The following RSF1 variants were observed in gnomAD, a reference collection of about 807,000 sequenced individuals.
RSF1 encodes HBV pX-associated protein 8.
Under a neutral mutation model 145.2 loss-of-function variants are expected in RSF1, and 13 were observed. The observed-to-expected ratio is 0.09, with a 90% CI of 0.06 to 0.14. The LOEUF is 0.14. Among genes scored for constraint, RSF1 ranks in the 10% least tolerant of loss-of-function variants. The pLI is 1.00. For missense variants in RSF1, 1,517 were observed against 1,718.2 expected (o/e 0.88, Z 2.07); for synonymous variants, 577 against 592.6 (o/e 0.97, Z 0.38).
intron 1 of RSF1, among the ~76,000 whole-genome samples, chr11:77,806,631 T>C (rs577390102): frequency 6.6e-6 from 1 of 151,966 alleles, no homozygotes; most frequent in Non-Finnish European, 1.5e-5. Context: ...CAGTGAGCTA[T>C]GACTGCACCA....
intron 4 of RSF1, among the ~76,000 whole-genome samples, chr11:77,730,109 T>C (rs1961166237): frequency 6.6e-6 from 1 of 152,070 alleles, no homozygotes; most frequent in East Asian, 1.9e-4. Context: ...ATTATTCCCA[T>C]TTTATGACTG....
At chr11:77,831,634 G>A in the RSF1 span, among the ~76,000 whole-genome samples, 1 of 151,388 alleles carries the variant, frequency 6.6e-6, no homozygotes, top group Non-Finnish European at 1.5e-5. Flanking sequence ...GCTTACTATG[G>A]GATGTAATTT....
At chr11:77,745,436 C>T (rs774196636) in intron 3 of RSF1, among the ~76,000 whole-genome samples, 2 of 151,916 alleles carry the variant, frequency 1.3e-5, no homozygotes, top group Non-Finnish European at 2.9e-5. Flanking sequence ...TTTGCTTTTG[C>T]TGCATTTTGT....
chr11:77,709,103 T>C (rs988484518), intron 5 of RSF1, among the ~76,000 whole-genome samples: 2 of 152,244 alleles, frequency 1.3e-5, no homozygotes, highest in African/African-American at 4.8e-5. Flanking sequence ...CTCAGGGTCC[T>C]GACTGTTGTT....
intron 5 of RSF1, among the ~76,000 whole-genome samples, chr11:77,708,793 CCT>C (rs770369845): frequency 7.2e-5 from 11 of 152,288 alleles, no homozygotes; most frequent in South Asian, 6.2e-4. Flanking sequence ...TTTTTCCTCC[CCT>C]GTTACAAATA....
chr11:77,765,145 A>C (rs866718616), intron 1 of RSF1, among the ~76,000 whole-genome samples: 14 of 152,230 alleles, frequency 9.2e-5, no homozygotes, highest in South Asian at 4.1e-4. Context: ...TAAAAAAAAA[A>C]ACCATCAAGT....
intron 5 of RSF1, among the ~76,000 whole-genome samples, chr11:77,710,135 A>G (rs1960644361): frequency 6.6e-6 from 1 of 152,182 alleles, no homozygotes; most frequent in Non-Finnish European, 1.5e-5. Flanking sequence ...ACCAAAAATA[A>G]CTATTAATCT....
chr11:77,681,593 T>A (rs1245899971), intron 11 of RSF1, among the ~76,000 whole-genome samples: 1 of 152,174 alleles, frequency 6.6e-6, no homozygotes, highest in African/African-American at 2.4e-5. Context: ...TTATGTGCAA[T>A]TTCATTTGTG....
chr11:77,705,856 A>G (rs972484699), intron 5 of RSF1, among the ~76,000 whole-genome samples: 5 of 152,128 alleles, frequency 3.3e-5, no homozygotes, highest in Middle Eastern at 3.2e-3. Context: ...CTGTCTCAAA[A>G]AAAAACCAAA....
At chr11:77,710,609 A>T (rs1325520354) in intron 5 of RSF1, among the ~76,000 whole-genome samples, 1 of 152,102 alleles carries the variant, frequency 6.6e-6, no homozygotes, top group East Asian at 1.9e-4. Flanking sequence ...CTGTGGCAAA[A>T]CTACTTCTCT....
At chr11:77,850,871 TCTC>T in the RSF1 span, 7 of 151,876 alleles carry the variant, frequency 4.6e-5, no homozygotes, top group African/African-American at 1.7e-4. Context: ...TCAGTATTTC[TCTC>T]CTAAGGACAT....
the RSF1 span, among the ~76,000 whole-genome samples, chr11:77,827,152 G>T: frequency 0.018 from 2,710 of 151,230 alleles, 80 homozygotes; most frequent in African/African-American, 0.062. Context: ...CCCTGGCCCC[G>T]CCCCCCTCAG....
Position 77,812,884 on chromosome 11 carries a change from C to CAA in RSF1, c.187+7642_187+7643dup, listed in dbSNP as rs71046910. ...TAGCCTGGGTGACAGAGCTCCATCT[C>CAA]AAAAAAAAAAAAAAAAAAAAATCAG... is the stretch of plus-strand genomic sequence containing the variant. On this transcript the variant is annotated intron_variant, in intron 1 of 15. Coordinates refer to ENST00000308488, the MANE Select transcript of RSF1 (RefSeq NM_016578.4). Among the ~76,000 whole-genome samples the CAA allele has an allele frequency of 1.4e-4, 15 of 110,554 alleles. No individual in the cohort carries two copies. In the East Asian group the frequency reaches 2.2e-3, roughly 17 times the overall value. 72.5% of individuals were successfully genotyped at this position (110,554 alleles called of 152,430 possible).
chr11:77,842,466 C>A, the RSF1 span: 3 of 1,606,642 alleles, frequency 1.9e-6, no homozygotes, highest in Non-Finnish European at 2.5e-6. Flanking sequence ...GTATATTTTT[C>A]TTTTAATTTC....
chr11:77,773,952 C>G (rs963195842), intron 1 of RSF1, among the ~76,000 whole-genome samples: 35 of 151,774 alleles, frequency 2.3e-4, no homozygotes, highest in Admixed American at 2.0e-4. Flanking sequence ...AGTGTAATAT[C>G]GACAACAACA....
At chr11:77,697,375 G>T (rs1960300827) in intron 7 of RSF1, among the ~76,000 whole-genome samples, 1 of 149,992 alleles carries the variant, frequency 6.7e-6, no homozygotes, top group Admixed American at 6.7e-5. Flanking sequence ...GAACAGCACA[G>T]GTGCATAGAA....
At chr11:77,798,964 TAA>T (rs199886134) in intron 1 of RSF1, among the ~76,000 whole-genome samples, 22,800 of 114,396 alleles carry the variant, frequency 0.2, 2,034 homozygotes, top group African/African-American at 0.27. Flanking sequence ...AAAGTATAAT[TAA>T]AAAAAAAAAA....
chr11:77,781,176 T>C (rs1253567573), intron 1 of RSF1, among the ~76,000 whole-genome samples: 4 of 151,984 alleles, frequency 2.6e-5, no homozygotes, highest in South Asian at 4.2e-4. Flanking sequence ...TTTCGGCTCA[T>C]TGCAACCTTC....
chr11:77,752,531 T>C (rs1034132001), intron 2 of RSF1, among the ~76,000 whole-genome samples: 1 of 152,170 alleles, frequency 6.6e-6, no homozygotes, highest in African/African-American at 2.4e-5. Flanking sequence ...CATTTCACCA[T>C]GGAATGGCAA....
Sources: gnomAD v4.1 joint callset for allele counts (sites outside exome capture counted in the v4.1 genomes callset) on GRCh38, gnomAD v4.1.1 for gene constraint, MANE v1.5 for transcripts, NCBI Gene and HGNC (gene_info 2026-07-23, HGNC 2026-07-21) for gene names.